The following ARID2 variants were observed in gnomAD, a reference collection of about 807,000 sequenced individuals.
ARID2 encodes AT-rich interaction domain 2, also known as AT-rich interactive domain-containing protein 2.
ARID2 carries 32 observed loss-of-function variants against 184.6 expected under a neutral mutation model. That is an observed-to-expected ratio of 0.17 (90% CI 0.13 to 0.23). The LOEUF is 0.23. Among genes scored for constraint, ARID2 ranks in the 10% least tolerant of loss-of-function variants. The pLI is 1.00. For synonymous variants in ARID2, 836 were observed against 772.6 expected, an observed-to-expected ratio of 1.08 and a Z score of -1.36; for missense variants, 1,696 against 2,197.6, an observed-to-expected ratio of 0.77 and a Z score of 4.56.
At chr12:45,864,642 T>G (rs1014653038) in intron 16 of ARID2, among the ~76,000 whole-genome samples, 5 of 152,208 alleles carry the variant, frequency 3.3e-5, no homozygotes, top group African/African-American at 1.2e-4. Context: ...GTCCAAATAT[T>G]TGATCAAGTT....
At chr12:45,735,508 T>C (rs1941096828) in intron 3 of ARID2, among the ~76,000 whole-genome samples, 1 of 151,254 alleles carries the variant, frequency 6.6e-6, no homozygotes, top group Non-Finnish European at 1.5e-5. Context: ...AATGCCTGGC[T>C]TCAAGGTATC....
chr12:45,794,960 AC>A (rs1942361284), intron 3 of ARID2, among the ~76,000 whole-genome samples: 1 of 151,712 alleles, frequency 6.6e-6, no homozygotes, highest in Non-Finnish European at 1.5e-5. Context: ...CACTTTCCCC[AC>A]AAGTTTCTTT....
At chr12:45,838,392 A>G (rs1943259903) in intron 10 of ARID2, among the ~76,000 whole-genome samples, 1 of 152,208 alleles carries the variant, frequency 6.6e-6, no homozygotes, top group Non-Finnish European at 1.5e-5. Flanking sequence ...GTTCTTATTG[A>G]GAAGTTAATG....
intron 6 of ARID2, among the ~76,000 whole-genome samples, chr12:45,826,732 A>G (rs1162874643): frequency 6.6e-6 from 1 of 152,014 alleles, no homozygotes; most frequent in African/African-American, 2.4e-5. Flanking sequence ...TATAGAAGTA[A>G]TTGATGCATG....
chr12:45,790,895 A>G (rs1592078480), intron 3 of ARID2, among the ~76,000 whole-genome samples: 1 of 152,088 alleles, frequency 6.6e-6, no homozygotes. Flanking sequence ...TCCTACTTTG[A>G]GAAGAGGTTT....
intron 3 of ARID2, among the ~76,000 whole-genome samples, chr12:45,757,805 T>G (rs1941597247): frequency 6.6e-6 from 1 of 152,252 alleles, no homozygotes; most frequent in Admixed American, 6.5e-5. Context: ...CTTCACACTT[T>G]TGTCATGTGA....
chr12:45,844,699 G>C (rs1282060754), intron 11 of ARID2, among the ~76,000 whole-genome samples: 1 of 152,160 alleles, frequency 6.6e-6, no homozygotes, highest in African/African-American at 2.4e-5. Context: ...TAAGTGACTT[G>C]CACATAATCT....
At position 45,871,715 on chromosome 12, in the gene ARID2, G is replaced by A. The variant is rs1009850154; in HGVS notation, c.4922+10766G>A. ...ATTCCTTCCTTTAATTATTTGTTGT[G>A]AATTCAGCAGAGAAACCTGTGGTCC... is the stretch of plus-strand genomic sequence containing the variant. On this transcript the variant is annotated intron_variant, in intron 16 of 20. Coordinates refer to ENST00000334344, the MANE Select transcript of ARID2 (RefSeq NM_152641.4). Among the ~76,000 whole-genome samples the A allele has an allele frequency of 5.0e-4, 76 of 152,134 alleles. 1 individual carries two copies. The highest frequency in any genetic ancestry group is 1.8e-3 in the African/African-American group (76 of 41,428).
intron 3 of ARID2, among the ~76,000 whole-genome samples, chr12:45,803,544 C>G (rs940617623): frequency 1.6e-4 from 24 of 152,122 alleles, no homozygotes; most frequent in Admixed American, 1.3e-4. Context: ...CATCACGTAA[C>G]AAAAAGTACA....
chr12:45,738,667 C>G (rs1456854745), intron 3 of ARID2, among the ~76,000 whole-genome samples: 2 of 150,476 alleles, frequency 1.3e-5, no homozygotes, highest in Non-Finnish European at 2.9e-5. Flanking sequence ...GTTATTTAAT[C>G]TTAGAAAAAA....
intron 6 of ARID2, among the ~76,000 whole-genome samples, chr12:45,827,813 CT>C (rs769965127): frequency 2.6e-4 from 40 of 152,122 alleles, no homozygotes; most frequent in Admixed American, 2.1e-3. Context: ...AGAAAGTATG[CT>C]TATGTGCAGG....
intron 3 of ARID2, among the ~76,000 whole-genome samples, chr12:45,758,072 CAA>C (rs1322266789): frequency 1.3e-5 from 2 of 152,232 alleles, no homozygotes; most frequent in Non-Finnish European, 1.5e-5. Context: ...TTCGAGACAA[CAA>C]AGTTTTGTTT....
chr12:45,771,506 A>AC (rs1459877894), intron 3 of ARID2, among the ~76,000 whole-genome samples: 1 of 151,902 alleles, frequency 6.6e-6, no homozygotes, highest in African/African-American at 2.4e-5. Context: ...TTTTACAAAA[A>AC]AAAAAAAAAA....
chr12:45,743,998 A>AT (rs554183334), intron 3 of ARID2, among the ~76,000 whole-genome samples: 13 of 149,488 alleles, frequency 8.7e-5, no homozygotes, highest in East Asian at 4.0e-4. Flanking sequence ...TTTATGATTG[A>AT]TTTTTTTTTC....
At chr12:45,825,881 GAC>G (rs1942989008) in intron 6 of ARID2, among the ~76,000 whole-genome samples, 2 of 151,640 alleles carry the variant, frequency 1.3e-5, no homozygotes, top group African/African-American at 4.8e-5. Flanking sequence ...AAAAAAAAAA[GAC>G]TTTCTGGAAA....
chr12:45,797,958 A>G (rs950570761), intron 3 of ARID2, among the ~76,000 whole-genome samples: 1 of 152,054 alleles, frequency 6.6e-6, no homozygotes, highest in African/African-American at 2.4e-5. Flanking sequence ...AGGATGGGAA[A>G]GTCTCTACTA....
rs1461204738 is a variant in ARID2 at position 45,761,691 on chromosome 12, TAGG to T, written c.284+30378_284+30380del. On this transcript the variant is annotated intron_variant, in intron 3 of 20. Transcript: ENST00000334344. ...GGCTTACATTTTACTCCAGTACATT[TAGG>T]TATGGACTTTTTTTTTTCCTTATCT... Among the ~76,000 whole-genome samples the T allele has an allele frequency of 1.9e-4, 29 of 152,234 alleles. No homozygotes were observed. The South Asian group carries it at 3.7e-3, about 20-fold the overall frequency.
At chr12:45,738,779 CTTTTTTTTTTTTTTTT>C (rs11333868) in intron 3 of ARID2, among the ~76,000 whole-genome samples, 50 of 62,298 alleles carry the variant, frequency 8.0e-4, no homozygotes, top group Admixed American at 3.4e-3. Flanking sequence ...ATATGGGCTA[CTTTTTTTTTTTTTTTT>C]TTTTTTTTTT....
chr12:45,817,692 G>T lies in ARID2; in HGVS notation c.441G>T (p.Gly147=), dbSNP rs1942830379. 2 of 1,609,096 alleles carry T rather than the reference G, an allele frequency of 1.2e-6. No individual in the cohort carries two copies. Among genetic ancestry groups the T allele is most frequent in the Non-Finnish European group, 1.7e-6 (2 of 1,178,854 alleles). Residue 147 remains glycine, a synonymous_variant, in exon 5 of 21, where the codon GGG becomes GGT. Coordinates refer to ENST00000334344, the MANE Select transcript of ARID2 (RefSeq NM_152641.4). ...TAGATTATCTGCGTCAAAGTTATGGGCTGTCCATGGACTTTAATTCGCCAA... is the reference window on the plus strand; with the variant it reads ...TAGATTATCTGCGTCAAAGTTATGGTCTGTCCATGGACTTTAATTCGCCAA... The part of the protein sequence containing the change: ...SVSDYLRQSY[G]LSMDFNSPND...
Sources: gnomAD v4.1 joint callset for allele counts (sites outside exome capture counted in the v4.1 genomes callset) on GRCh38, gnomAD v4.1.1 for gene constraint, MANE v1.5 for transcripts, NCBI Gene and HGNC (gene_info 2026-07-23, HGNC 2026-07-21) for gene names.